The following TM2D3 variants were observed in gnomAD, a reference collection of about 807,000 sequenced individuals.
The protein encoded by TM2D3 is TM2 domain-containing protein 3.
A neutral mutation model predicts 27.3 loss-of-function variants in TM2D3; 33 were observed. The observed-to-expected ratio is 1.21, with a 90% CI of 0.92 to 1.61. The LOEUF (loss-of-function observed/expected upper bound fraction) is 1.61, where lower values mean the gene tolerates loss of function less well. Ranked by LOEUF, TM2D3 falls within the 40% of genes most tolerant of loss-of-function variation. The pLI is 0.00. For missense variants in TM2D3, 364 were observed against 320.8 expected, an observed-to-expected ratio of 1.13 and a Z score of -1.03; for synonymous variants, 138 against 122.2, an observed-to-expected ratio of 1.13 and a Z score of -0.85.
intron 4 of TM2D3, chr15:101,636,088 T>A (rs1327186354): frequency 6.6e-6 from 1 of 152,242 alleles, no homozygotes; most frequent in Non-Finnish European, 1.5e-5. Flanking sequence ...TTATGGTGTG[T>A]ATCAGTACTT....
In TM2D3 at chr15:101,651,755, G is replaced by T; in HGVS notation, c.110C>A (p.Ala37Asp). Reference protein sequence around the residue: ...LSGGEQSQALAQSIKDPGPTR... With the variant: ...LSGGEQSQALDQSIKDPGPTR... The stretch of plus-strand genomic sequence containing the variant: ...TGGGCCCGGATCCTTTATTGACTGA[G>T]CCAGCGCCTGCGATTGCTCTAAATT... Residue 37 changes from alanine to aspartate, a missense_variant, in exon 2 of 6, where the codon GCT becomes GAT. By Grantham distance (126) the Ala-to-Asp change is moderately radical. Transcript: ENST00000333202. 1 of 1,614,176 alleles carries T rather than the reference G, an allele frequency of 6.2e-7. No homozygotes were observed. Among genetic ancestry groups the T allele is most frequent in the Non-Finnish European group, 8.5e-7 (1 of 1,180,018 alleles).
chr15:101,644,920 G>A (rs548363788), intron 5 of TM2D3, among the ~76,000 whole-genome samples, 167 bp downstream of exon 5: 10 of 152,270 alleles, frequency 6.6e-5, no homozygotes, highest in African/African-American at 1.9e-4. Context: ...TCAACTCCAC[G>A]GAGGTACTGG....
At chr15:101,649,207 T>A (rs1255452133) in intron 3 of TM2D3, among the ~76,000 whole-genome samples, 2 of 152,232 alleles carry the variant, frequency 1.3e-5, no homozygotes, top group African/African-American at 4.8e-5. Flanking sequence ...TCCGTGTGGG[T>A]TTTAGGAAGT....
chr15:101,646,472 A>G, intron 4 of TM2D3: 1 of 310,348 alleles, frequency 3.2e-6, no homozygotes, highest in South Asian at 2.8e-5. Context: ...GGTAAAGGTC[A>G]ATTACTGTGT....
At chr15:101,642,894 A>C (rs962426343) in intron 5 of TM2D3, among the ~76,000 whole-genome samples, 1 of 152,188 alleles carries the variant, frequency 6.6e-6, no homozygotes, top group African/African-American at 2.4e-5. Context: ...CTTTTTTTAA[A>C]GTTATCAATC....
intron 4 of TM2D3, chr15:101,645,407 A>C: frequency 2.0e-6 from 1 of 511,552 alleles, no homozygotes; most frequent in Admixed American, 3.4e-5. Context: ...ACCTACGGGG[A>C]AGTTACGAGT....
At chr15:101,652,208 G>T in intron 1 of TM2D3, 63 bp downstream of exon 1, 1 of 1,456,548 alleles carries the variant, frequency 6.9e-7, no homozygotes, top group Non-Finnish European at 9.5e-7. Context: ...CGGCCTCCTC[G>T]CAGCTCCCGG....
chr15:101,645,021 C>G, intron 5 of TM2D3, 66 bp downstream of exon 5: 1 of 1,393,068 alleles, frequency 7.2e-7, no homozygotes, highest in East Asian at 2.3e-5. Context: ...AGCTCAATGT[C>G]TGAAGATTCC....
At chr15:101,645,918 A>T (rs1164052441) in intron 4 of TM2D3, 1 of 152,240 alleles carries the variant, frequency 6.6e-6, no homozygotes, top group Non-Finnish European at 1.5e-5. Context: ...TTTAAGAATA[A>T]CCACTCTTGG....
intron 2 of TM2D3, 109 bp from the exon 3 acceptor site, chr15:101,650,270 G>T: frequency 8.8e-7 from 1 of 1,131,668 alleles, no homozygotes; most frequent in Non-Finnish European, 1.2e-6. Flanking sequence ...ACACTGCACT[G>T]GAAGGGAAGA....
At chr15:101,650,255 A>C in intron 2 of TM2D3, 94 bp from the exon 3 acceptor site, 1 of 1,261,972 alleles carries the variant, frequency 7.9e-7, no homozygotes, top group Non-Finnish European at 1.1e-6. Flanking sequence ...ATCATTAGCA[A>C]GTAGACACTG....
At chr15:101,643,847 T>C (rs1361634971) in intron 5 of TM2D3, among the ~76,000 whole-genome samples, 1 of 152,034 alleles carries the variant, frequency 6.6e-6, no homozygotes, top group Non-Finnish European at 1.5e-5. Flanking sequence ...TTGTCAGCAA[T>C]GGTTACTAAT....
chr15:101,645,480 G>T (rs1028437996), intron 4 of TM2D3: 8 of 306,248 alleles, frequency 2.6e-5, no homozygotes, highest in African/African-American at 1.8e-4. Context: ...AGAAAGTCAA[G>T]AACCAGAAAT....
At position 101,646,913 on chromosome 15, in the gene TM2D3, G is replaced by A. The variant is rs1371491829; in HGVS notation, c.328-14C>T. 2 of 1,613,876 alleles carry A rather than the reference G, an allele frequency of 1.2e-6. No homozygotes were observed. Among genetic ancestry groups the A allele is most frequent in the African/African-American group, 1.3e-5 (1 of 74,920 alleles). ...GAAGTCTTGATCCTATGTAGCAAAT[G>A]ACACAAAACTCATCAATCACAATGG... On this transcript the variant is annotated splice_polypyrimidine_tract_variant and intron_variant, in intron 3 of 5. Transcript: ENST00000333202.
At chr15:101,638,261 A>T (rs1250196344), downstream of TM2D3, among the ~76,000 whole-genome samples, 1 of 151,460 alleles carries the variant, frequency 6.6e-6, no homozygotes, top group African/African-American at 2.4e-5. Flanking sequence ...CTTTCTCCGA[A>T]TTAACCTGTT....
chr15:101,646,392 C>T (rs1896805682), intron 4 of TM2D3: 2 of 297,176 alleles, frequency 6.7e-6, no homozygotes, highest in African/African-American at 2.2e-5. Context: ...GAAAGGCAAC[C>T]AGGTGAAGGC....
chr15:101,650,572 C>G (rs1896942364), intron 2 of TM2D3: 1 of 154,280 alleles, frequency 6.5e-6, no homozygotes. Flanking sequence ...CCAAATCTCT[C>G]CATTTCCAAT....
At chr15:101,635,249 T>C (rs760998126) in intron 4 of TM2D3, 2 of 152,204 alleles carry the variant, frequency 1.3e-5, no homozygotes, top group African/African-American at 2.4e-5. Context: ...ATTTGTGAAA[T>C]GTTCTCAAAG....
downstream of TM2D3, among the ~76,000 whole-genome samples, chr15:101,641,664 G>A (rs1196367859): frequency 2.0e-5 from 3 of 152,092 alleles, no homozygotes; most frequent in Non-Finnish European, 4.4e-5. Flanking sequence ...CCCCGATAAA[G>A]GGTCTATAAC....
Sources: allele counts gnomAD v4.1 joint callset (sites outside exome capture counted in the v4.1 genomes callset), GRCh38; gene constraint gnomAD v4.1.1; transcripts MANE v1.5; gene names NCBI Gene and HGNC (gene_info 2026-07-23, HGNC 2026-07-21).